Variants in RABEP1 observed in about 807,000 individuals in gnomAD.
RABEP1 encodes rab GTPase-binding effector protein 1.
In RABEP1, 51 loss-of-function variants were observed where a neutral mutation model predicts 123.4. The observed-to-expected ratio is 0.41, with a 90% CI of 0.33 to 0.52. The LOEUF is 0.52. Ranked by LOEUF, RABEP1 falls within the 20% of genes least tolerant of loss-of-function variation. The probability of loss-of-function intolerance (pLI) is 0.16; values close to 1 mark genes in which losing one functional copy is unlikely to be tolerated. For synonymous variants in RABEP1, 347 were observed against 355.2 expected, an observed-to-expected ratio of 0.98 and a Z score of 0.26; for missense variants, 888 against 996.3, an observed-to-expected ratio of 0.89 and a Z score of 1.46.
intron 2 of RABEP1, among the ~76,000 whole-genome samples, chr17:5,323,278 G>T (rs1597354916): frequency 6.6e-6 from 1 of 152,120 alleles, no homozygotes; most frequent in Non-Finnish European, 1.5e-5. Context: ...AGAGTTGAAG[G>T]CCTTTCCTCT....
intron 8 of RABEP1, among the ~76,000 whole-genome samples, chr17:5,355,054 T>C (rs1286083668): frequency 3.3e-5 from 5 of 152,198 alleles, no homozygotes; most frequent in East Asian, 3.9e-4. Context: ...GGCCTCCTCA[T>C]TGGGTTTCCT....
chr17:5,303,707 T>TA (rs955565290), intron 1 of RABEP1, among the ~76,000 whole-genome samples: 2 of 152,224 alleles, frequency 1.3e-5, no homozygotes, highest in Admixed American at 6.5e-5. Context: ...TTGGTCGTAG[T>TA]AAATTTCACA....
At chr17:5,376,093 G>A (rs894019340) in intron 13 of RABEP1, among the ~76,000 whole-genome samples, 2 of 152,038 alleles carry the variant, frequency 1.3e-5, no homozygotes, top group African/African-American at 4.8e-5. Flanking sequence ...CGCCTTCCTC[G>A]GCTTCCCAAA....
intron 3 of RABEP1, among the ~76,000 whole-genome samples, chr17:5,332,937 A>G (rs1906706144): frequency 6.6e-6 from 1 of 151,888 alleles, no homozygotes; most frequent in Non-Finnish European, 1.5e-5. Flanking sequence ...GAAACTTTGT[A>G]TGTGAAATCT....
intron 1 of RABEP1, among the ~76,000 whole-genome samples, chr17:5,290,739 G>A (rs1432030175): frequency 6.6e-6 from 1 of 152,054 alleles, no homozygotes; most frequent in African/African-American, 2.4e-5. Flanking sequence ...ATTACTCCGT[G>A]CTCATGACCC....
intron 2 of RABEP1, among the ~76,000 whole-genome samples, chr17:5,314,707 A>T (rs559321891): frequency 6.6e-6 from 1 of 152,000 alleles, no homozygotes; most frequent in Non-Finnish European, 1.5e-5. Flanking sequence ...TTTAGTAGAG[A>T]CGGGGTTTCA....
chr17:5,381,550 G>C (rs1446862263), intron 17 of RABEP1, 45 bp downstream of exon 17: 3 of 1,590,476 alleles, frequency 1.9e-6, no homozygotes, highest in African/African-American at 2.7e-5. Context: ...AGGCAGTTTT[G>C]GGGGACAGAA....
chr17:5,329,802 C>T (rs1906346721), intron 2 of RABEP1, among the ~76,000 whole-genome samples: 1 of 144,122 alleles, frequency 6.9e-6, no homozygotes, highest in East Asian at 1.9e-4. Flanking sequence ...ATAAATATAA[C>T]ATTCATATAT....
chr17:5,324,520 C>G (rs1905773225), intron 2 of RABEP1, among the ~76,000 whole-genome samples: 2 of 152,052 alleles, frequency 1.3e-5, no homozygotes, highest in Non-Finnish European at 1.5e-5. Flanking sequence ...TTGGTCTGAG[C>G]AAAGATTTGT....
At chr17:5,305,580 G>A (rs534978355) in intron 1 of RABEP1, among the ~76,000 whole-genome samples, 7 of 152,228 alleles carry the variant, frequency 4.6e-5, no homozygotes, top group African/African-American at 9.6e-5. Flanking sequence ...AGGGATAGGA[G>A]GGGATACATC....
chr17:5,322,942 G>A (rs186581818), intron 2 of RABEP1, among the ~76,000 whole-genome samples: 1 of 152,230 alleles, frequency 6.6e-6, no homozygotes, highest in East Asian at 1.9e-4. Context: ...CGGGCATGGT[G>A]GTGCACACCT....
chr17:5,374,122 A>G (rs1392478018), intron 13 of RABEP1, among the ~76,000 whole-genome samples: 3 of 152,132 alleles, frequency 2.0e-5, no homozygotes, highest in Non-Finnish European at 4.4e-5. Context: ...GCTGGAGTGC[A>G]ATGGCATCAT....
At chr17:5,288,786 C>A (rs2075003907) in intron 1 of RABEP1, among the ~76,000 whole-genome samples, 1 of 152,164 alleles carries the variant, frequency 6.6e-6, no homozygotes, top group South Asian at 2.1e-4. Flanking sequence ...TCACTGTAAC[C>A]TCTGCCTCCC....
Position 5,386,185 on chromosome 17 carries a change from G to A in RABEP1, c.*2962G>A. ...GCCTTCAATGGTGTTCAGTTCAGGT[G>A]TGAGTCAGCTCCTGGTGGTGTCAGA... is the stretch of plus-strand genomic sequence containing the variant. On this transcript the variant is annotated 3_prime_UTR_variant, in exon 18 of 18. Transcript: ENST00000537505. The A allele has an allele frequency of 6.3e-7, 1 of 1,598,284 alleles. No homozygotes were observed. The highest frequency in any genetic ancestry group is 8.6e-7 in the Non-Finnish European group (1 of 1,167,552).
intron 7 of RABEP1, among the ~76,000 whole-genome samples, chr17:5,353,709 C>A (rs1469871096): frequency 6.6e-6 from 1 of 152,042 alleles, no homozygotes; most frequent in Non-Finnish European, 1.5e-5. Flanking sequence ...ATTAGCCAGG[C>A]ATGGTGGTGC....
At chr17:5,341,111 C>T (rs1907567827) in intron 5 of RABEP1, among the ~76,000 whole-genome samples, 1 of 150,424 alleles carries the variant, frequency 6.6e-6, no homozygotes, top group Admixed American at 6.6e-5. Flanking sequence ...AAAATGAAAA[C>T]AAAAATGAGA....
intron 2 of RABEP1, among the ~76,000 whole-genome samples, chr17:5,317,359 A>G (rs2075308269): frequency 6.6e-6 from 1 of 152,168 alleles, no homozygotes; most frequent in African/African-American, 2.4e-5. Flanking sequence ...AAAGTATTTG[A>G]CAAAACCTAA....
chr17:5,325,668 C>T (rs931750060), intron 2 of RABEP1, among the ~76,000 whole-genome samples: 9 of 150,792 alleles, frequency 6.0e-5, no homozygotes, highest in Admixed American at 1.3e-4. Flanking sequence ...TAGAAGAATT[C>T]GAATGGTTCT....
At chr17:5,305,695 A>G (rs73337250) in intron 1 of RABEP1, among the ~76,000 whole-genome samples, 6,080 of 152,222 alleles carry the variant, frequency 0.04, 209 homozygotes, top group East Asian at 0.12. Flanking sequence ...CAGTAATACT[A>G]AAGTGTTAAG....
Sources: allele counts gnomAD v4.1 joint callset (sites outside exome capture counted in the v4.1 genomes callset), GRCh38; gene constraint gnomAD v4.1.1; transcripts MANE v1.5; gene names NCBI Gene and HGNC (gene_info 2026-07-23, HGNC 2026-07-21).